RANBP2: variants seen among roughly 807,000 people sequenced by gnomAD.
RANBP2 encodes E3 SUMO-protein ligase RanBP2.
A neutral mutation model predicts 303.6 loss-of-function variants in RANBP2; 57 were observed. The ratio of observed to expected loss-of-function variants is 0.19; its 90% CI spans 0.15 to 0.23. The LOEUF is 0.23. RANBP2 is among the 10% of genes least tolerant of loss of function. The pLI, the probability that RANBP2 is intolerant of heterozygous loss-of-function variation, is 1.00. For synonymous variants in RANBP2, 1,167 were observed against 1,301.5 expected (o/e 0.90, Z 2.23); for missense variants, 3,138 against 3,780.8 (o/e 0.83, Z 4.46).
chr2:109,655,052 A>T, the RANBP2 span, among the ~76,000 whole-genome samples: 1 of 151,722 alleles, frequency 6.6e-6, no homozygotes, highest in South Asian at 2.1e-4. Context: ...ACAGGTGCCC[A>T]CCACCATGCC....
chr2:109,187,856 G>A, the RANBP2 span, among the ~76,000 whole-genome samples: 5 of 152,184 alleles, frequency 3.3e-5, no homozygotes, highest in Admixed American at 6.5e-5. Context: ...TTATCAGCAC[G>A]GACTGGGTGC....
chr2:109,613,078 CG>C, the RANBP2 span: 1 of 678,626 alleles, frequency 1.5e-6, no homozygotes, highest in Non-Finnish European at 2.3e-6. Context: ...ACACAGGCAT[CG>C]GGCCTCCAAA....
chr2:109,190,465 C>T, the RANBP2 span, among the ~76,000 whole-genome samples: 189 of 152,320 alleles, frequency 1.2e-3, no homozygotes, highest in African/African-American at 4.4e-3. Context: ...TGAGCCACTG[C>T]GCCTGGTCGA....
At chr2:109,080,206 G>A in the RANBP2 span, among the ~76,000 whole-genome samples, 1 of 152,242 alleles carries the variant, frequency 6.6e-6, no homozygotes. Flanking sequence ...GGAGAAAGAG[G>A]AGCTGACAAC....
chr2:109,732,307 G>A, the RANBP2 span, among the ~76,000 whole-genome samples: 5 of 152,112 alleles, frequency 3.3e-5, no homozygotes, highest in Non-Finnish European at 5.9e-5. Flanking sequence ...AAAAATGTAC[G>A]TTGGGAACTG....
chr2:109,684,741 G>T, the RANBP2 span, among the ~76,000 whole-genome samples: 2 of 147,420 alleles, frequency 1.4e-5, no homozygotes, highest in South Asian at 2.2e-4. Flanking sequence ...CACCATGTTG[G>T]CCAGGCTGGA....
chr2:109,681,754 G>T, the RANBP2 span, among the ~76,000 whole-genome samples: 1 of 152,212 alleles, frequency 6.6e-6, no homozygotes, highest in African/African-American at 2.4e-5. Context: ...GCCCCAACAT[G>T]TCCCCACAGC....
chr2:109,086,628 C>T, the RANBP2 span, among the ~76,000 whole-genome samples: 1 of 152,182 alleles, frequency 6.6e-6, no homozygotes, highest in African/African-American at 2.4e-5. Flanking sequence ...GGCTCTGTCT[C>T]AGCAGGTCCA....
At chr2:109,082,578 TGTGAGCCACCACAC>T in the RANBP2 span, among the ~76,000 whole-genome samples, 1 of 93,206 alleles carries the variant, frequency 1.1e-5, no homozygotes, top group Non-Finnish European at 2.9e-5. Context: ...GGATTACAGG[TGTGAGCCACCACAC>T]CCGGCCTAGC....
intron 6 of RANBP2, among the ~76,000 whole-genome samples, chr2:108,737,309 G>T (rs1249108148): frequency 1.3e-5 from 2 of 150,122 alleles, no homozygotes; most frequent in Non-Finnish European, 3.0e-5. Context: ...CTTTGTATGT[G>T]GGTTCCTTTT....
the RANBP2 span, among the ~76,000 whole-genome samples, chr2:109,466,116 G>C: frequency 8.6e-6 from 1 of 116,258 alleles, no homozygotes; most frequent in African/African-American, 3.3e-5. Flanking sequence ...GTCTCGCTCC[G>C]TCGCCCAGGC....
the RANBP2 span, among the ~76,000 whole-genome samples, chr2:109,321,931 G>A: frequency 2.6e-5 from 4 of 152,316 alleles, no homozygotes; most frequent in Middle Eastern, 3.4e-3. Context: ...GGGAGATGGG[G>A]CCCTTTTCTG....
the RANBP2 span, chr2:108,923,458 G>C: frequency 1.2e-6 from 2 of 1,613,794 alleles, no homozygotes; most frequent in Non-Finnish European, 8.5e-7. Flanking sequence ...TAGTAGCTAC[G>C]GGGGAGAGAC....
chr2:109,167,218 C>T, the RANBP2 span, among the ~76,000 whole-genome samples: 9 of 152,162 alleles, frequency 5.9e-5, no homozygotes, highest in East Asian at 9.7e-4. Context: ...AGGATGATGG[C>T]GGAGAAAAGT....
chr2:108,906,318 T>G, the RANBP2 span: 3 of 1,613,950 alleles, frequency 1.9e-6, no homozygotes, highest in Non-Finnish European at 2.5e-6. Context: ...CTTCCACGAC[T>G]CCACACACGT....
At chr2:109,164,431 G>A in the RANBP2 span, among the ~76,000 whole-genome samples, 1 of 152,172 alleles carries the variant, frequency 6.6e-6, no homozygotes, top group Non-Finnish European at 1.5e-5. Context: ...CAGTTCTCCT[G>A]CCTCAGCTTC....
At chr2:109,296,413 T>C in the RANBP2 span, among the ~76,000 whole-genome samples, 1 of 151,886 alleles carries the variant, frequency 6.6e-6, no homozygotes, top group Non-Finnish European at 1.5e-5. Context: ...GTGTGTGTTT[T>C]TTATTGTTAG....
At chr2:109,591,113 ATT>A in the RANBP2 span, among the ~76,000 whole-genome samples, 140 of 152,324 alleles carry the variant, frequency 9.2e-4, no homozygotes, top group African/African-American at 3.3e-3. Context: ...CATTTGAATC[ATT>A]TTTAGTCATG....
chr2:108,720,067 A>G lies in RANBP2; in HGVS notation c.72+389A>G, dbSNP rs556103381. On this transcript the variant is annotated intron_variant, in intron 1 of 28. Coordinates refer to ENST00000283195, the MANE Select transcript of RANBP2 (RefSeq NM_006267.5). The stretch of plus-strand genomic sequence containing the variant: ...GCGGGTTTCTTCCCATCTCCTGGAC[A>G]TATACTTTATATGCTGCGGCGGAGG... The G allele has an allele frequency of 5.1e-3, 4,984 of 984,080 alleles. 23 individuals carry two copies. The highest frequency in any genetic ancestry group is 0.015 in the Middle Eastern group (28 of 1,914). 61.0% of individuals were successfully genotyped at this position (984,080 alleles called of 1,614,324 possible).
Sources: allele counts gnomAD v4.1 joint callset (sites outside exome capture counted in the v4.1 genomes callset), GRCh38; gene constraint gnomAD v4.1.1; transcripts MANE v1.5; gene names NCBI Gene and HGNC (gene_info 2026-07-23, HGNC 2026-07-21).